MICB: variants seen among roughly 807,000 people sequenced by gnomAD.
MICB encodes MHC class I antigen-related protein B.
Under a neutral mutation model 34.3 loss-of-function variants are expected in MICB, and 27 were observed. The observed-to-expected ratio is 0.79, with a 90% CI of 0.58 to 1.08. MICB has a LOEUF of 1.08. Ranked by LOEUF, MICB falls within the 50% of genes least tolerant of loss-of-function variation. The pLI, the probability that MICB is intolerant of heterozygous loss-of-function variation, is 0.00. For synonymous variants in MICB, 153 were observed against 187.4 expected (o/e 0.82, Z 1.50); for missense variants, 426 against 483.1 (o/e 0.88, Z 1.11).
intron 1 of MICB, 122 bp from the exon 2 acceptor site, chr6:31,505,495 T>A (rs1765252444): frequency 7.2e-7 from 1 of 1,390,268 alleles, no homozygotes; most frequent in Non-Finnish European, 9.8e-7. Flanking sequence ...TTCGTTCTTG[T>A]CCTTTTGCCC....
chr6:31,507,603 GC>G lies in MICB; in HGVS notation c.1024+75del. 6.3e-7 allele frequency: 1 copy of G among 1,578,460 alleles called. No homozygotes were observed. The highest frequency in any genetic ancestry group is 8.7e-7 in the Non-Finnish European group (1 of 1,153,446). ...GCAGTAGGGTCTCCTCATTGCTCCT[GC>G]CCAGACAAGACGTAGGTGACAAGGC... On this transcript the variant is annotated intron_variant, in intron 5 of 5. Transcript: ENST00000252229. The surrounding 1 kb of genome is among the most constrained non-coding windows in gnomAD (Gnocchi z 6.0).
chr6:31,503,434 A>G (rs79747807), intron 1 of MICB, among the ~76,000 whole-genome samples: 3 of 152,138 alleles, frequency 2.0e-5, no homozygotes, highest in African/African-American at 4.8e-5. Context: ...AAAACTCTGT[A>G]CCCATTAATC....
chr6:31,495,660 A>C (rs1276863645), upstream of MICB, among the ~76,000 whole-genome samples: 1 of 149,880 alleles, frequency 6.7e-6, no homozygotes, highest in Non-Finnish European at 1.5e-5. Flanking sequence ...TGTGAGGCCA[A>C]CAAAAAAGAA....
intron 1 of MICB, among the ~76,000 whole-genome samples, chr6:31,503,948 G>T (rs1482262654): frequency 1.9e-5 from 1 of 52,438 alleles, no homozygotes; most frequent in Admixed American, 1.6e-4. Flanking sequence ...TGCCAAACTT[G>T]CTGTGTGTGT....
intron 1 of MICB, among the ~76,000 whole-genome samples, chr6:31,502,539 C>T (rs1300557509): frequency 6.6e-6 from 1 of 152,108 alleles, no homozygotes; most frequent in African/African-American, 2.4e-5. Context: ...ATTTCTTTTT[C>T]AGATTATTTG....
upstream of MICB, among the ~76,000 whole-genome samples, chr6:31,496,366 CTT>C (rs3034154): frequency 0.11 from 13,754 of 121,200 alleles, 379 homozygotes; most frequent in Middle Eastern, 0.22. Context: ...TCCTTTTTTT[CTT>C]TTTTTTTTTT....
At chr6:31,498,486 TTCTG>T (rs1764812980) in intron 1 of MICB, among the ~76,000 whole-genome samples, 1 of 119,860 alleles carries the variant, frequency 8.3e-6, no homozygotes, top group Non-Finnish European at 1.7e-5. Context: ...TTTTTTTTCT[TTCTG>T]AGACGGAGTC....
At chr6:31,499,748 C>A (rs1764919356) in intron 1 of MICB, among the ~76,000 whole-genome samples, 1 of 152,110 alleles carries the variant, frequency 6.6e-6, no homozygotes, top group Admixed American at 6.5e-5. Context: ...GAGGACCCCA[C>A]CCTCCAGCCC....
chr6:31,507,518 G>A lies in MICB; in HGVS notation c.1011G>A (p.Ala337=), dbSNP rs375735072. Reference sequence around the variant, plus strand: ...CTTGTTGCAAGAAGAAAACATCAGCGGCAGAGGGTCCAGGTGAGAAAAGGG... The same window carrying A: ...CTTGTTGCAAGAAGAAAACATCAGCAGCAGAGGGTCCAGGTGAGAAAAGGG... ...CVPCCKKKTS[A]AEGPELVSLQ... The change falls in exon 5 of 6, where the codon GCG becomes GCA. Residue 337 remains alanine (A), a synonymous_variant. Coordinates refer to ENST00000252229, the MANE Select transcript of MICB (RefSeq NM_005931.5). The surrounding 1 kb of genome is among the most constrained non-coding windows in gnomAD (Gnocchi z 6.0). 1.1e-4 allele frequency: 184 copies of A among 1,614,142 alleles called. 4 individuals are homozygous for A. The highest frequency in any genetic ancestry group is 1.1e-3 in the South Asian group (97 of 91,076).
At position 31,498,446 on chromosome 6, in the gene MICB, C is replaced by CT. The variant is rs9279321; in HGVS notation, c.70+220dup. ...AGCCCTGCTTTCCCATCTCCCGTCTCTTTTTTTTTTTTTTTTTTTTTTTTT... is the reference window on the plus strand; with the variant it reads ...AGCCCTGCTTTCCCATCTCCCGTCTCTTTTTTTTTTTTTTTTTTTTTTTTTT... On this transcript the variant is annotated intron_variant, in intron 1 of 5. Transcript: ENST00000252229. 8.3e-4 allele frequency among the ~76,000 whole-genome samples: 74 copies of CT among 89,292 alleles called. 2 individuals carry two copies. Among genetic ancestry groups the CT allele is most frequent in the Non-Finnish European group, 1.3e-3 (62 of 46,934 alleles). The allele number at this position is 89,292 out of a possible 152,430, so 58.6% of individuals were successfully genotyped here.
chr6:31,505,547 C>T, intron 1 of MICB, 70 bp from the exon 2 acceptor site: 1 of 1,588,826 alleles, frequency 6.3e-7, no homozygotes, highest in Non-Finnish European at 8.6e-7. Flanking sequence ...GGACAGCAGA[C>T]CTGTGTGTTA....
upstream of MICB, among the ~76,000 whole-genome samples, chr6:31,497,708 A>G (rs1207658495): frequency 6.6e-6 from 1 of 152,090 alleles, no homozygotes; most frequent in Non-Finnish European, 1.5e-5. Flanking sequence ...GAGGGAGTGT[A>G]TTGGGAGAAA....
chr6:31,507,327 G>T lies in MICB; in HGVS notation c.892+27G>T. ...TGAGCCTGGGGTGACCCTGGAGAGG[G>T]TCAGGCCAGGGTAGGAACAGCAAGG... On this transcript the variant is annotated intron_variant, in intron 4 of 5. Coordinates refer to ENST00000252229, the MANE Select transcript of MICB (RefSeq NM_005931.5). This position sits in a 1 kb window ranked among gnomAD's most constrained non-coding sequence, Gnocchi z 6.0. 2 of 1,612,050 alleles carry T rather than the reference G, an allele frequency of 1.2e-6. No individual in the cohort carries two copies. The highest frequency in any genetic ancestry group is 8.5e-7 in the Non-Finnish European group (1 of 1,178,890).
chr6:31,497,720 A>T (rs1280057743), upstream of MICB, among the ~76,000 whole-genome samples: 1 of 151,964 alleles, frequency 6.6e-6, no homozygotes, highest in Non-Finnish European at 1.5e-5. Flanking sequence ...TGGGAGAAAA[A>T]CCACGCGTTG....
At chr6:31,509,614 GAC>G (rs1765549812) in intron 5 of MICB, among the ~76,000 whole-genome samples, 166 bp from the exon 6 acceptor site, 1 of 151,836 alleles carries the variant, frequency 6.6e-6, no homozygotes, top group Non-Finnish European at 1.5e-5. Flanking sequence ...GGAGAGAACT[GAC>G]AGGGGCTGGG....
chr6:31,495,721 G>A (rs1764618012), upstream of MICB, among the ~76,000 whole-genome samples: 1 of 151,148 alleles, frequency 6.6e-6, no homozygotes, highest in Non-Finnish European at 1.5e-5. Flanking sequence ...GGGGGAGGAG[G>A]GTAGAAGATG....
In MICB at chr6:31,507,251, C is replaced by A. The variant is rs1765399923; in HGVS notation, c.843C>A (p.Thr281=). ...RIRQGEEQRF[T]CYMEHSGNHG... is the part of the protein sequence containing the mutation. The stretch of plus-strand genomic sequence containing the variant: ...GCCAAGGAGAGGAGCAGAGGTTCAC[C>A]TGCTACATGGAACACAGCGGGAATC... The change falls in exon 4 of 6, where the codon ACC becomes ACA. Residue 281 remains threonine, a synonymous_variant. Transcript: ENST00000252229. The surrounding 1 kb of genome is among the most constrained non-coding windows in gnomAD (Gnocchi z 6.0). The A allele has an allele frequency of 1.9e-6, 3 of 1,614,078 alleles. No individual in the cohort carries two copies. The East Asian group carries it at 6.7e-5, about 36-fold the overall frequency.
Position 31,509,906 on chromosome 6 carries a change from C to G in MICB, c.1149C>G (p.Thr383=), listed in dbSNP as rs779052513. 9 of 1,602,688 alleles carry G rather than the reference C, an allele frequency of 5.6e-6. No individual in the cohort carries two copies. Among genetic ancestry groups the G allele is most frequent in the Non-Finnish European group, 6.0e-6 (7 of 1,174,508 alleles). ...GGTCCACTGGTTCCACTGAGGGCAC[C>G]TAGACTCTACAGCCAGGCGGCCAGG... ...ATGSTGSTEG[T] The change falls in exon 6 of 6, where the codon ACC becomes ACG. Residue 383 remains threonine, a synonymous_variant. Coordinates refer to ENST00000252229, the MANE Select transcript of MICB (RefSeq NM_005931.5).
chr6:31,510,531 G>GTTGTTT lies in MICB; in HGVS notation c.*650_*655dup, dbSNP rs9281515. On this transcript the variant is annotated 3_prime_UTR_variant, in exon 6 of 6. Transcript: ENST00000252229. ...CATATTAATTGGTATCATTATTTCT[G>GTTGTTT]TTGTTTTTGTTTTTGTTTTTGTTTT... 961 of 152,210 alleles carry GTTGTTT rather than the reference G, an allele frequency of 6.3e-3. 9 individuals are homozygous for GTTGTTT. Among genetic ancestry groups the GTTGTTT allele is most frequent in the Non-Finnish European group, 7.9e-3 (540 of 68,228 alleles). 9.4% of individuals were successfully genotyped at this position (152,210 alleles called of 1,614,324 possible). A position where few individuals can be genotyped will look rare whatever the true frequency, so the allele number is the denominator to read the frequency against.
Sources: gnomAD v4.1 joint callset for allele counts (sites outside exome capture counted in the v4.1 genomes callset) on GRCh38, gnomAD v4.1.1 for gene constraint, Gnocchi (gnomAD v3.1) non-coding constraint, MANE v1.5 for transcripts, NCBI Gene and HGNC (gene_info 2026-07-23, HGNC 2026-07-21) for gene names.